The following AGBL4 variants were observed in gnomAD, a reference collection of about 807,000 sequenced individuals.
AGBL4 encodes the protein AGBL carboxypeptidase 4.
In AGBL4, 58 loss-of-function variants were observed where a neutral mutation model predicts 66.4. The ratio of observed to expected loss-of-function variants is 0.87; its 90% CI spans 0.71 to 1.09. The LOEUF (loss-of-function observed/expected upper bound fraction) is 1.09. Among genes scored for constraint, AGBL4 ranks in the 50% least tolerant of loss-of-function variants. AGBL4 has a pLI of 0.00. For synonymous variants in AGBL4, 234 were observed against 222.9 expected (o/e 1.05, Z -0.44); for missense variants, 579 against 631.0 (o/e 0.92, Z 0.88).
At chr1:48,760,465 G>A (rs10493136) in intron 6 of AGBL4, among the ~76,000 whole-genome samples, 29,498 of 152,156 alleles carry the variant, frequency 0.19, 3,593 homozygotes, top group East Asian at 0.39. Context: ...ATCGTAAGTC[G>A]TTTTATCTGC....
intron 11 of AGBL4, 104 bp downstream of exon 11, chr1:48,586,900 T>C: frequency 6.9e-7 from 1 of 1,445,692 alleles, no homozygotes; most frequent in Non-Finnish European, 9.6e-7. Context: ...CACCTGAGAG[T>C]CTCAGCCCTT....
intron 9 of AGBL4, among the ~76,000 whole-genome samples, chr1:48,608,314 G>T (rs1206170704): frequency 6.6e-6 from 1 of 152,114 alleles, no homozygotes. Context: ...AGGTGAAGAA[G>T]GTAATAAAAC....
At chr1:49,541,153 G>A (rs1031752296) in intron 3 of AGBL4, among the ~76,000 whole-genome samples, 1 of 152,208 alleles carries the variant, frequency 6.6e-6, no homozygotes, top group Non-Finnish European at 1.5e-5. Flanking sequence ...TACCTGGACT[G>A]TATTTGTGAG....
At chr1:49,082,577 T>C (rs1644827182) in intron 4 of AGBL4, among the ~76,000 whole-genome samples, 1 of 152,164 alleles carries the variant, frequency 6.6e-6, no homozygotes. Context: ...GGAAAACTGC[T>C]ACCATGATTC....
In AGBL4 at chr1:49,317,093, G is replaced by A. The variant is rs1363941736; in HGVS notation, c.283-71229C>T. Reference sequence around the variant, plus strand: ...CTATCTGTTTATATCTATGTATGGAGAGAAACAAAAAAGTAAAATTACACC... The same window carrying A: ...CTATCTGTTTATATCTATGTATGGAAAGAAACAAAAAAGTAAAATTACACC... On this transcript the variant is annotated intron_variant, in intron 3 of 13. Coordinates refer to ENST00000371839, the MANE Select transcript of AGBL4 (RefSeq NM_032785.4). Among the ~76,000 whole-genome samples the A allele has an allele frequency of 5.3e-5, 8 of 151,882 alleles. No individual in the cohort carries two copies. The East Asian group carries it at 1.4e-3, about 26-fold the overall frequency.
chr1:48,612,478 A>G (rs2148382614), intron 9 of AGBL4, among the ~76,000 whole-genome samples: 2 of 152,356 alleles, frequency 1.3e-5, no homozygotes, highest in Middle Eastern at 6.8e-3. Context: ...CATTGCAGTT[A>G]TAGAGATGAA....
At chr1:49,294,505 T>A (rs1644602462) in intron 3 of AGBL4, among the ~76,000 whole-genome samples, 1 of 152,180 alleles carries the variant, frequency 6.6e-6, no homozygotes, top group South Asian at 2.1e-4. Flanking sequence ...ATCAGCTAAG[T>A]CTTCCCAAAC....
chr1:49,072,942 T>G (rs1385735390), intron 4 of AGBL4, among the ~76,000 whole-genome samples: 1 of 152,214 alleles, frequency 6.6e-6, no homozygotes, highest in Non-Finnish European at 1.5e-5. Context: ...TGTTCATTTC[T>G]TTTCACTCTT....
At chr1:49,956,344 T>C (rs1656603342) in intron 1 of AGBL4, among the ~76,000 whole-genome samples, 1 of 151,864 alleles carries the variant, frequency 6.6e-6, no homozygotes, top group Non-Finnish European at 1.5e-5. Flanking sequence ...CATTTCTACC[T>C]ACTCTCTCCA....
At chr1:49,778,638 G>C (rs752055685) in intron 2 of AGBL4, among the ~76,000 whole-genome samples, 1 of 152,146 alleles carries the variant, frequency 6.6e-6, no homozygotes, top group Admixed American at 6.5e-5. Flanking sequence ...AGCCCTCCTG[G>C]ATAAGGGAAA....
intron 1 of AGBL4, chr1:49,865,896 AG>A (rs1646688155): frequency 7.9e-6 from 3 of 378,042 alleles, no homozygotes; most frequent in Non-Finnish European, 1.6e-5. Flanking sequence ...CAGAATAACC[AG>A]TTTAGAGAGG....
intron 2 of AGBL4, among the ~76,000 whole-genome samples, chr1:49,751,034 C>A (rs971501862): frequency 1.3e-5 from 2 of 152,164 alleles, no homozygotes; most frequent in African/African-American, 4.8e-5. Context: ...CATCTGCAAA[C>A]AGAGATAATT....
In AGBL4 at chr1:48,772,362, G is replaced by C. The variant is rs146888741; in HGVS notation, c.634+94829C>G. 1.4e-4 allele frequency among the ~76,000 whole-genome samples: 21 copies of C among 152,326 alleles called. No homozygotes were observed. In the East Asian group the frequency reaches 1.7e-3, roughly 13 times the overall value. On this transcript the variant is annotated intron_variant, in intron 6 of 13. Transcript: ENST00000371839. ...TCCACTCCTTTATCACAGGTGGAGG[G>C]GGGCTGGACCACAAACTTCTGTCAC...
intron 3 of AGBL4, among the ~76,000 whole-genome samples, chr1:49,567,655 C>T (rs1644241228): frequency 6.6e-6 from 1 of 152,080 alleles, no homozygotes; most frequent in South Asian, 2.1e-4. Context: ...GTTTTCTGCA[C>T]CTATCAACCC....
chr1:49,931,647 G>C (rs892470371), intron 1 of AGBL4, among the ~76,000 whole-genome samples: 9 of 152,106 alleles, frequency 5.9e-5, no homozygotes, highest in African/African-American at 1.9e-4. Context: ...GATGAGATTT[G>C]GGTGAGGAAA....
intron 3 of AGBL4, among the ~76,000 whole-genome samples, chr1:49,584,136 T>C (rs967958035): frequency 6.6e-6 from 1 of 152,204 alleles, no homozygotes; most frequent in African/African-American, 2.4e-5. Flanking sequence ...TTACTGACTT[T>C]AGCTTCCAGT....
intron 11 of AGBL4, among the ~76,000 whole-genome samples, chr1:48,573,711 C>T (rs1275740404): frequency 6.6e-6 from 1 of 152,140 alleles, no homozygotes; most frequent in Non-Finnish European, 1.5e-5. Flanking sequence ...ATGGAAGTTT[C>T]CATGAAACCT....
intron 6 of AGBL4, among the ~76,000 whole-genome samples, chr1:48,852,667 TTAGGTC>T (rs1282329742): frequency 2.0e-5 from 3 of 152,230 alleles, no homozygotes; most frequent in Non-Finnish European, 4.4e-5. Flanking sequence ...TCTTACAGTT[TTAGGTC>T]TACGTTAGGA....
chr1:49,899,256 A>C (rs1258046611), intron 1 of AGBL4, among the ~76,000 whole-genome samples: 1 of 152,026 alleles, frequency 6.6e-6, no homozygotes, highest in Non-Finnish European at 1.5e-5. Flanking sequence ...ATATACACCT[A>C]CTATGTGTCC....
Sources: gnomAD v4.1 joint callset for allele counts (sites outside exome capture counted in the v4.1 genomes callset) on GRCh38, gnomAD v4.1.1 for gene constraint, MANE v1.5 for transcripts, NCBI Gene and HGNC (gene_info 2026-07-23, HGNC 2026-07-21) for gene names.